TRPM3: variants seen among roughly 807,000 people sequenced by gnomAD.
TRPM3 encodes the protein transient receptor potential cation channel subfamily M member 3.
Under a neutral mutation model 181.2 loss-of-function variants are expected in TRPM3, and 77 were observed. The observed-to-expected ratio is 0.42, with a 90% CI of 0.35 to 0.51. The LOEUF is 0.51. Ranked by LOEUF, TRPM3 falls within the 20% of genes least tolerant of loss-of-function variation. TRPM3 has a pLI of 0.01. For synonymous variants in TRPM3, 745 were observed against 796.4 expected (o/e 0.94, Z 1.09); for missense variants, 1,759 against 2,196.7 (o/e 0.80, Z 3.98).
chr9:71,089,860 G>C (rs1255200126), intron 1 of TRPM3, among the ~76,000 whole-genome samples: 1 of 152,080 alleles, frequency 6.6e-6, no homozygotes, highest in Non-Finnish European at 1.5e-5. Context: ...CTCTACATCA[G>C]GGTGTCCAAT....
chr9:70,541,614 C>A (rs1240523576), intron 25 of TRPM3, among the ~76,000 whole-genome samples: 1 of 150,896 alleles, frequency 6.6e-6, no homozygotes, highest in Admixed American at 6.6e-5. Flanking sequence ...TGGGTTCAAG[C>A]AATTCTCCTG....
At chr9:70,854,248 GA>G (rs1044123850) in intron 3 of TRPM3, among the ~76,000 whole-genome samples, 5 of 152,184 alleles carry the variant, frequency 3.3e-5, no homozygotes, top group African/African-American at 1.2e-4. Context: ...TTTGTCCCCT[GA>G]GCATTACTCT....
At chr9:70,788,006 C>CTT (rs557213258) in intron 6 of TRPM3, among the ~76,000 whole-genome samples, 2,283 of 129,292 alleles carry the variant, frequency 0.018, 66 homozygotes, top group African/African-American at 0.058. Context: ...ACTATCCTGA[C>CTT]TTTTTTTTTT....
chr9:70,635,238 C>T lies in TRPM3; in HGVS notation c.1605G>A (p.Leu535=), dbSNP rs1440084359. The part of the protein sequence containing the change: ...YNTRHGPSNT[L]YHLVRDVKKR... ...TTTTGACATCCCTGACCAAGTGGTACAATGTATTTGAGGGCCCATGTCTCT... is the reference window on the plus strand; with the variant it reads ...TTTTGACATCCCTGACCAAGTGGTATAATGTATTTGAGGGCCCATGTCTCT... The change falls in exon 12 of 26, where the codon TTG becomes TTA. Residue 535 remains leucine, a synonymous_variant. Transcript: ENST00000677713. 6.2e-7 allele frequency: 1 copy of T among 1,613,876 alleles called. No individual in the cohort carries two copies. Among genetic ancestry groups the T allele is most frequent in the African/African-American group, 1.3e-5 (1 of 74,984 alleles).
chr9:70,558,665 G>A (rs1038637381), intron 22 of TRPM3, among the ~76,000 whole-genome samples: 1 of 152,144 alleles, frequency 6.6e-6, no homozygotes, highest in Non-Finnish European at 1.5e-5. Flanking sequence ...TAATGCAGCT[G>A]GGAAACTTTG....
intron 1 of TRPM3, among the ~76,000 whole-genome samples, chr9:71,390,472 A>G (rs1485092205): frequency 1.3e-5 from 2 of 152,028 alleles, no homozygotes; most frequent in Admixed American, 6.6e-5. Context: ...TTTTGAATAC[A>G]GAGCTCATGT....
At chr9:70,649,296 C>T (rs989886534) in intron 9 of TRPM3, among the ~76,000 whole-genome samples, 2 of 151,476 alleles carry the variant, frequency 1.3e-5, no homozygotes, top group Non-Finnish European at 2.9e-5. Flanking sequence ...TCAAGCAATT[C>T]TCCTGCCTCA....
intron 1 of TRPM3, among the ~76,000 whole-genome samples, chr9:71,324,672 T>C (rs2089518795): frequency 1.3e-5 from 2 of 152,074 alleles, no homozygotes; most frequent in African/African-American, 4.8e-5. Flanking sequence ...CACTCACATG[T>C]TTATAGCAAT....
intron 1 of TRPM3, among the ~76,000 whole-genome samples, chr9:71,131,752 G>A (rs995319867): frequency 6.6e-6 from 1 of 152,132 alleles, no homozygotes; most frequent in Non-Finnish European, 1.5e-5. Flanking sequence ...AAAAGGAAAA[G>A]TTCTCAGACT....
chr9:71,207,109 T>G (rs1005080877), intron 1 of TRPM3, among the ~76,000 whole-genome samples: 2 of 152,200 alleles, frequency 1.3e-5, no homozygotes, highest in South Asian at 2.1e-4. Flanking sequence ...ATCTGGTAAC[T>G]GAGATTAGGA....
chr9:70,529,627 C>T lies in TRPM3; in HGVS notation c.*6326G>A, dbSNP rs1218643833. 1.3e-5 allele frequency: 2 copies of T among 152,162 alleles called. No homozygotes were observed. The highest frequency in any genetic ancestry group is 2.1e-4 in the South Asian group (1 of 4,820). 9.4% of individuals were successfully genotyped at this position (152,162 alleles called of 1,614,324 possible). A position where few individuals can be genotyped will look rare whatever the true frequency, so the allele number is the denominator to read the frequency against. On this transcript the variant is annotated 3_prime_UTR_variant, in exon 26 of 26. Coordinates refer to ENST00000677713, the MANE Select transcript of TRPM3 (RefSeq NM_001366145.2). ...TTCAAGTTTAGAATTATGTGGCTAA[C>T]AAATATACATGCATATATCATTCAG...
intron 1 of TRPM3, among the ~76,000 whole-genome samples, chr9:71,232,175 T>C (rs1234354594): frequency 6.6e-6 from 1 of 152,076 alleles, no homozygotes; most frequent in Non-Finnish European, 1.5e-5. Flanking sequence ...GAAAAGGATA[T>C]AGCAACTAGA....
chr9:70,958,106 T>G (rs2097098052), intron 1 of TRPM3, among the ~76,000 whole-genome samples: 1 of 152,168 alleles, frequency 6.6e-6, no homozygotes, highest in African/African-American at 2.4e-5. Flanking sequence ...GCCTTTCCCT[T>G]GGGAGTGCTC....
chr9:71,427,768 G>T (rs1307017928), intron 1 of TRPM3, among the ~76,000 whole-genome samples: 1 of 152,130 alleles, frequency 6.6e-6, no homozygotes, highest in Non-Finnish European at 1.5e-5. Flanking sequence ...GGGAGGAGGA[G>T]GCAGGGGGCC....
intron 3 of TRPM3, among the ~76,000 whole-genome samples, chr9:70,862,201 A>G (rs913968656): frequency 1.3e-5 from 2 of 152,148 alleles, no homozygotes; most frequent in African/African-American, 4.8e-5. Flanking sequence ...GTTGGACAAT[A>G]GCATCTAGAA....
At chr9:70,590,658 G>A (rs1373541867) in intron 22 of TRPM3, among the ~76,000 whole-genome samples, 1 of 152,190 alleles carries the variant, frequency 6.6e-6, no homozygotes, top group Non-Finnish European at 1.5e-5. Flanking sequence ...ATTTTCTAAA[G>A]GCTGGGGTAG....
chr9:71,274,503 C>G (rs1186671872), intron 1 of TRPM3, among the ~76,000 whole-genome samples: 2 of 152,220 alleles, frequency 1.3e-5, no homozygotes, highest in Non-Finnish European at 2.9e-5. Context: ...TACAAACACC[C>G]TGTCATCTTC....
chr9:71,266,152 CT>C (rs1288542479), intron 1 of TRPM3, among the ~76,000 whole-genome samples: 9 of 152,284 alleles, frequency 5.9e-5, no homozygotes, highest in Middle Eastern at 3.4e-3. Context: ...CATATTGTAG[CT>C]CCCCACTTTG....
chr9:71,333,931 A>G (rs1210380200), intron 1 of TRPM3, among the ~76,000 whole-genome samples: 3 of 151,866 alleles, frequency 2.0e-5, no homozygotes, highest in Non-Finnish European at 4.4e-5. Context: ...CACACAGAGG[A>G]AAATAACACA....
Sources: allele counts gnomAD v4.1 joint callset (sites outside exome capture counted in the v4.1 genomes callset), GRCh38; gene constraint gnomAD v4.1.1; transcripts MANE v1.5; gene names NCBI Gene and HGNC (gene_info 2026-07-23, HGNC 2026-07-21).